Variants in KLF8 observed in about 807,000 individuals in gnomAD.
KLF8 encodes Krueppel-like factor 8.
KLF8 carries 10 observed loss-of-function variants against 18.2 expected under a neutral mutation model. The ratio of observed to expected loss-of-function variants is 0.55; its 90% confidence interval spans 0.34 to 0.93. The LOEUF is 0.93. KLF8 is among the 40% of genes least tolerant of loss of function. The pLI is 0.02. For synonymous variants in KLF8, 109 were observed against 97.3 expected (o/e 1.12, Z -0.71); for missense variants, 264 against 277.9 (o/e 0.95, Z 0.36).
At chrX:55,992,894 T>A in the KLF8 span, among the ~76,000 whole-genome samples, 1 of 111,507 alleles carries the variant, frequency 9.0e-6, no homozygotes, top group Non-Finnish European at 1.9e-5. Flanking sequence ...GTTTGGTTCT[T>A]AGCTTGGTCA....
At chrX:56,121,039 A>G in the KLF8 span, among the ~76,000 whole-genome samples, 1 of 109,805 alleles carries the variant, frequency 9.1e-6, no homozygotes, top group Non-Finnish European at 1.9e-5. Flanking sequence ...ACAAAAAATT[A>G]GCCGGACGTG....
Position 56,287,217 on chromosome X carries a change from A to G in KLF8, c.*2723A>G, listed in dbSNP as rs762296330. 8.9e-6 allele frequency: 1 copy of G among 111,864 alleles called. No individual in the cohort carries two copies. The highest frequency in any genetic ancestry group is 3.7e-4 in the South Asian group (1 of 2,690). The allele number at this position is 111,864 out of a possible 1,213,427, so 9.2% of individuals were successfully genotyped here. A position where few individuals can be genotyped will look rare whatever the true frequency, so the allele number is the denominator to read the frequency against. ...CAGCCTTTATGTTTGTTAATTGCCT[A>G]TAGTAAAGAAGCAATTTTAAGCCTA... On this transcript the variant is annotated 3_prime_UTR_variant, in exon 6 of 6. Transcript: ENST00000468660.
At chrX:55,989,613 T>A in the KLF8 span, among the ~76,000 whole-genome samples, 1 of 112,232 alleles carries the variant, frequency 8.9e-6, no homozygotes, top group African/African-American at 3.2e-5. Context: ...GTCAGTATTT[T>A]ATTGAGGATT....
chrX:56,191,918 A>T, the KLF8 span, among the ~76,000 whole-genome samples: 1 of 111,616 alleles, frequency 9.0e-6, no homozygotes, highest in African/African-American at 3.3e-5. Context: ...TCTGGACCAC[A>T]ATAAGGATGC....
the KLF8 span, among the ~76,000 whole-genome samples, chrX:56,018,172 C>T: frequency 1.8e-5 from 2 of 111,314 alleles, no homozygotes; most frequent in Non-Finnish European, 3.8e-5. Context: ...TAACCAGCTC[C>T]TCTTCATTCT....
chrX:56,133,306 G>A, the KLF8 span, among the ~76,000 whole-genome samples: 4 of 112,198 alleles, frequency 3.6e-5, no homozygotes, highest in Non-Finnish European at 7.5e-5. Flanking sequence ...ATATCAAAGA[G>A]ATAATCCGTC....
At chrX:56,052,769 G>A in the KLF8 span, among the ~76,000 whole-genome samples, 2 of 112,049 alleles carry the variant, frequency 1.8e-5, no homozygotes, top group African/African-American at 3.2e-5. Flanking sequence ...AGGCAGGCAG[G>A]CCTCCTTGAG....
chrX:55,993,096 C>T, the KLF8 span, among the ~76,000 whole-genome samples: 2 of 110,964 alleles, frequency 1.8e-5, no homozygotes, highest in African/African-American at 6.6e-5. Context: ...TTGTTTCTTT[C>T]TCTTGACTGA....
chrX:56,197,195 C>G, the KLF8 span, among the ~76,000 whole-genome samples: 2 of 109,756 alleles, frequency 1.8e-5, no homozygotes, highest in African/African-American at 3.3e-5. Context: ...GAAGCAACAG[C>G]AAACACATTC....
the KLF8 span, among the ~76,000 whole-genome samples, chrX:56,207,965 C>A: frequency 9.0e-6 from 1 of 110,992 alleles, no homozygotes; most frequent in African/African-American, 3.3e-5. Flanking sequence ...GAATGAGGAG[C>A]AAAGTCACGT....
the KLF8 span, among the ~76,000 whole-genome samples, chrX:56,027,764 C>A: frequency 1.8e-5 from 2 of 112,584 alleles, no homozygotes; most frequent in Non-Finnish European, 3.8e-5. Context: ...AGTCCAACAC[C>A]TCTACACAGT....
intron 2 of KLF8, among the ~76,000 whole-genome samples, chrX:56,252,933 G>A (rs1214238853): frequency 2.7e-5 from 3 of 112,172 alleles, no homozygotes; most frequent in Non-Finnish European, 5.6e-5. Flanking sequence ...TCTCATTGTA[G>A]TTTTGATTTA....
the KLF8 span, among the ~76,000 whole-genome samples, chrX:56,112,492 A>T: frequency 3.1e-4 from 35 of 112,297 alleles, no homozygotes; most frequent in African/African-American, 9.0e-4. Context: ...AAAAAATTTT[A>T]AAAAAGAAAA....
the KLF8 span, among the ~76,000 whole-genome samples, chrX:56,059,033 T>C: frequency 8.9e-6 from 1 of 112,238 alleles, no homozygotes; most frequent in Non-Finnish European, 1.9e-5. Flanking sequence ...GACTTTTTAA[T>C]GATCATCATT....
chrX:56,049,181 T>A, the KLF8 span, among the ~76,000 whole-genome samples: 2 of 111,188 alleles, frequency 1.8e-5, no homozygotes, highest in Admixed American at 1.9e-4. Context: ...GACGATGGGG[T>A]TTTCTAGATA....
chrX:55,922,976 G>A, the KLF8 span, among the ~76,000 whole-genome samples: 1 of 111,615 alleles, frequency 9.0e-6, no homozygotes. Context: ...CCATTACTGA[G>A]TATATACCCA....
At chrX:56,091,695 A>G in the KLF8 span, among the ~76,000 whole-genome samples, 19 of 111,162 alleles carry the variant, frequency 1.7e-4, no homozygotes, top group Non-Finnish European at 3.0e-4. Context: ...GGGTTTCACC[A>G]TGTTAGCCAG....
intron 5 of KLF8, among the ~76,000 whole-genome samples, chrX:56,276,155 C>A (rs1225184662): frequency 2.8e-5 from 3 of 108,525 alleles, no homozygotes; most frequent in Non-Finnish European, 5.7e-5. Flanking sequence ...CGCACCTCGC[C>A]CCCGAAACCA....
At chrX:56,265,971 A>G in intron 3 of KLF8, 2 of 926,141 alleles carry the variant, frequency 2.2e-6, no homozygotes, top group Non-Finnish European at 2.7e-6. Flanking sequence ...TCTATCAGTG[A>G]CATATCAAAC....
Sources: gnomAD v4.1 joint callset for allele counts (sites outside exome capture counted in the v4.1 genomes callset) on GRCh38, gnomAD v4.1.1 for gene constraint, MANE v1.5 for transcripts, NCBI Gene and HGNC (gene_info 2026-07-23, HGNC 2026-07-21) for gene names.